Variants in PLA2R1 observed in about 807,000 individuals in gnomAD.
PLA2R1 encodes phospholipase A2 receptor 1, also known as secretory phospholipase A2 receptor.
A neutral mutation model predicts 195.9 loss-of-function variants in PLA2R1; 158 were observed. The observed-to-expected ratio is 0.81, with a 90% CI of 0.71 to 0.92. PLA2R1 has a LOEUF of 0.92. Ranked by LOEUF, PLA2R1 falls within the 40% of genes least tolerant of loss-of-function variation. The pLI, the probability that PLA2R1 is intolerant of heterozygous loss-of-function variation, is 0.00. For missense variants in PLA2R1, 1,626 were observed against 1,764.6 expected, an observed-to-expected ratio of 0.92 and a Z score of 1.41; for synonymous variants, 586 against 598.2, an observed-to-expected ratio of 0.98 and a Z score of 0.30.
intron 11 of PLA2R1, among the ~76,000 whole-genome samples, chr2:159,993,069 C>T (rs1034949719): frequency 6.6e-6 from 1 of 152,148 alleles, no homozygotes; most frequent in Non-Finnish European, 1.5e-5. Context: ...ATAGACTCAT[C>T]TATTCTCTTT....
At chr2:159,953,844 T>G (rs1687914400) in intron 23 of PLA2R1, among the ~76,000 whole-genome samples, 1 of 152,336 alleles carries the variant, frequency 6.6e-6, no homozygotes, top group South Asian at 2.1e-4. Flanking sequence ...TTTTGTTTTG[T>G]TTTCCTGGAG....
chr2:160,030,551 A>C (rs765920113), intron 4 of PLA2R1, among the ~76,000 whole-genome samples: 43 of 152,234 alleles, frequency 2.8e-4, no homozygotes, highest in Non-Finnish European at 6.0e-4. Context: ...TGTTTTAATA[A>C]TGCAGATAAA....
At chr2:159,966,124 C>T (rs1281890844) in intron 20 of PLA2R1, among the ~76,000 whole-genome samples, 1 of 152,072 alleles carries the variant, frequency 6.6e-6, no homozygotes, top group Non-Finnish European at 1.5e-5. Context: ...AATCAATTAG[C>T]TAAGGGGGGA....
intron 3 of PLA2R1, among the ~76,000 whole-genome samples, chr2:160,039,964 T>G (rs1694421733): frequency 6.7e-6 from 1 of 149,160 alleles, no homozygotes; most frequent in Non-Finnish European, 1.5e-5. Context: ...TTTTTTGAAG[T>G]CCCTAGTATT....
intron 22 of PLA2R1, 31 bp from the exon 23 acceptor site, chr2:159,955,377 G>A (rs780438726): frequency 6.5e-5 from 92 of 1,421,886 alleles, no homozygotes; most frequent in Middle Eastern, 1.8e-4. Context: ...TCAAAAGTAT[G>A]ATAACATATA....
intron 20 of PLA2R1, among the ~76,000 whole-genome samples, chr2:159,957,409 C>T (rs1688161091): frequency 6.6e-6 from 1 of 152,106 alleles, no homozygotes; most frequent in African/African-American, 2.4e-5. Context: ...GGCTGGAGTG[C>T]AGTGGTCAGA....
intron 17 of PLA2R1, among the ~76,000 whole-genome samples, chr2:159,974,704 T>C (rs753516479): frequency 3.9e-5 from 6 of 152,070 alleles, no homozygotes; most frequent in Non-Finnish European, 5.9e-5. Flanking sequence ...TACAAATTTA[T>C]GATGGGGAAA....
chr2:159,992,353 A>G (rs1162110464), intron 11 of PLA2R1, among the ~76,000 whole-genome samples: 1 of 151,664 alleles, frequency 6.6e-6, no homozygotes, highest in Non-Finnish European at 1.5e-5. Context: ...AATCACAAGC[A>G]TTCTTATACA....
intron 11 of PLA2R1, among the ~76,000 whole-genome samples, chr2:159,993,706 A>T (rs1690999589): frequency 6.6e-6 from 1 of 152,052 alleles, no homozygotes. Context: ...AAGGATTCAG[A>T]AGATATTCCT....
rs1468973726 is a variant in PLA2R1 at position 160,013,717 on chromosome 2, C to CTG, written c.1552-343_1552-342insCA. On this transcript the variant is annotated intron_variant, in intron 9 of 29. Transcript: ENST00000283243. Reference sequence around the variant, plus strand: ...TCTCTCTCTCTGTCTCTCTCTCTCTCTCTCTGTGTGTGTGTGTGTGTGTGT... The same window carrying CTG: ...TCTCTCTCTCTGTCTCTCTCTCTCTCTGTCTCTGTGTGTGTGTGTGTGTGTGT... Among the ~76,000 whole-genome samples the CTG allele has an allele frequency of 1.5e-4, 16 of 109,394 alleles. 1 individual carries two copies. Among genetic ancestry groups the CTG allele is most frequent in the African/African-American group, 5.6e-4 (16 of 28,370 alleles). The allele number at this position is 109,394 out of a possible 152,430, so 71.8% of individuals were successfully genotyped here.
In PLA2R1 at chr2:160,032,930, A is replaced by G. The variant is rs185949979; in HGVS notation, c.841+29T>C. 816 of 1,450,152 alleles carry G rather than the reference A, an allele frequency of 5.6e-4. 1 individual carries two copies. The highest frequency in any genetic ancestry group is 7.4e-4 in the Non-Finnish European group (772 of 1,037,662). 89.8% of individuals were successfully genotyped at this position (1,450,152 alleles called of 1,614,324 possible). On this transcript the variant is annotated intron_variant, in intron 4 of 29. Coordinates refer to ENST00000283243, the MANE Select transcript of PLA2R1 (RefSeq NM_007366.5). ...TTAACAACCATCTTTTATTGTATCA[A>G]TATCAATGTGCGTCATCCACCTACT...
chr2:160,024,502 C>T (rs1693372175), intron 6 of PLA2R1, among the ~76,000 whole-genome samples: 1 of 152,170 alleles, frequency 6.6e-6, no homozygotes, highest in African/African-American at 2.4e-5. Context: ...GGAATCCCTA[C>T]CCTGGCTGCC....
chr2:159,956,665 A>G (rs745849157), intron 20 of PLA2R1, 38 bp from the exon 21 acceptor site: 4 of 1,202,792 alleles, frequency 3.3e-6, no homozygotes, highest in Non-Finnish European at 5.0e-6. Context: ...TCATTTCTGT[A>G]TCTTTCTAAG....
intron 2 of PLA2R1, among the ~76,000 whole-genome samples, chr2:160,043,096 G>GA (rs1694648573): frequency 6.6e-6 from 1 of 151,924 alleles, no homozygotes; most frequent in Non-Finnish European, 1.5e-5. Flanking sequence ...TCTGGGTAGG[G>GA]AGCCAGGGAC....
intron 25 of PLA2R1, 117 bp downstream of exon 25, chr2:159,949,491 G>A (rs1159143257): frequency 3.1e-6 from 2 of 650,452 alleles, no homozygotes; most frequent in Non-Finnish European, 5.2e-6. Context: ...CCAGACCAGA[G>A]GCTTCTTGAA....
At chr2:159,998,124 T>C (rs546330893) in intron 11 of PLA2R1, among the ~76,000 whole-genome samples, 6 of 152,240 alleles carry the variant, frequency 3.9e-5, no homozygotes, top group African/African-American at 7.2e-5. Context: ...GGTGCTCACA[T>C]TGGTGGCTGG....
intron 1 of PLA2R1, among the ~76,000 whole-genome samples, chr2:160,056,045 C>T (rs774318798): frequency 1.2e-4 from 18 of 152,054 alleles, no homozygotes; most frequent in Admixed American, 9.2e-4. Flanking sequence ...GCAGACTCCC[C>T]GCTATTCTCC....
At chr2:159,959,437 G>A (rs1016860947) in intron 20 of PLA2R1, among the ~76,000 whole-genome samples, 2 of 152,098 alleles carry the variant, frequency 1.3e-5, no homozygotes, top group South Asian at 2.1e-4. Context: ...AACACACTCC[G>A]AAATTGTGTC....
chr2:160,062,392 C>T lies in PLA2R1; in HGVS notation c.12G>A (p.Ser4=). 3 of 1,540,552 alleles carry T rather than the reference C, an allele frequency of 1.9e-6. No individual in the cohort carries two copies. The highest frequency in any genetic ancestry group is 2.6e-6 in the Non-Finnish European group (3 of 1,142,870). ...GCAGCAGCAGCAGCAGCAGCGACGGCGACAGCAGCATCGCTAACCACTGGG... is the reference window on the plus strand; with the variant it reads ...GCAGCAGCAGCAGCAGCAGCGACGGTGACAGCAGCATCGCTAACCACTGGG... MLL[S]PSLLLLLLLG... is the part of the protein sequence containing the mutation. Residue 4 remains serine, a synonymous_variant, in exon 1 of 30, where the codon TCG becomes TCA. Transcript: ENST00000283243.
Sources: gnomAD v4.1 joint callset for allele counts (sites outside exome capture counted in the v4.1 genomes callset) on GRCh38, gnomAD v4.1.1 for gene constraint, MANE v1.5 for transcripts, NCBI Gene and HGNC (gene_info 2026-07-23, HGNC 2026-07-21) for gene names.